Variants in TYW5 observed in about 807,000 individuals in gnomAD.
The protein encoded by TYW5 is tRNA-yW synthesizing protein 5.
A neutral mutation model predicts 44.4 loss-of-function variants in TYW5; 36 were observed. The observed-to-expected ratio is 0.81, with a 90% CI of 0.62 to 1.07. The LOEUF (loss-of-function observed/expected upper bound fraction) is 1.07, where lower values mean the gene tolerates loss of function less well. Among genes scored for constraint, TYW5 ranks in the 50% least tolerant of loss-of-function variants. TYW5 has a pLI of 0.00. For missense variants in TYW5, 354 were observed against 365.7 expected (o/e 0.97, Z 0.26); for synonymous variants, 121 against 128.1 (o/e 0.94, Z 0.37).
intron 2 of TYW5, 189 bp from the exon 3 acceptor site, chr2:199,944,023 A>G: frequency 2.2e-6 from 1 of 457,474 alleles, no homozygotes; most frequent in Non-Finnish European, 3.9e-6. Flanking sequence ...TGTTTACTTG[A>G]TCTAAGTTGT....
intron 2 of TYW5, chr2:199,947,321 CTGTT>C (rs2077510820): frequency 6.6e-6 from 1 of 152,202 alleles, no homozygotes; most frequent in South Asian, 2.1e-4. Flanking sequence ...AGTTTGAGAG[CTGTT>C]TGTTTTTAAT....
Position 199,955,444 on chromosome 2 carries a change from G to C in TYW5, c.27C>G (p.Pro9=). ...GCTCCCGAGAAACGCCCTCCAGCCG[G>C]GGTACCGGGAGGTGCTGCCCGGCCA... MAGQHLPV[P]RLEGVSREQF... Residue 9 remains proline (P), a synonymous_variant, in exon 1 of 8, where the codon CCC becomes CCG. Transcript: ENST00000354611. The C allele has an allele frequency of 6.2e-7, 1 of 1,613,906 alleles. No individual in the cohort carries two copies. Among genetic ancestry groups the C allele is most frequent in the South Asian group, 1.1e-5 (1 of 91,022 alleles).
Position 199,955,432 on chromosome 2 carries a change from G to C in TYW5, c.39C>G (p.Gly13=), listed in dbSNP as rs753444796. 1.9e-6 allele frequency: 3 copies of C among 1,613,800 alleles called. No homozygotes were observed. In the East Asian group the frequency reaches 6.7e-5, roughly 36 times the overall value. ...GCTGCATGAACTGCTCCCGAGAAACGCCCTCCAGCCGGGGTACCGGGAGGT... is the reference window on the plus strand; with the variant it reads ...GCTGCATGAACTGCTCCCGAGAAACCCCCTCCAGCCGGGGTACCGGGAGGT... The part of the protein sequence containing the change: ...GQHLPVPRLE[G]VSREQFMQHL... The change falls in exon 1 of 8, where the codon GGC becomes GGG. Residue 13 remains glycine, a synonymous_variant. Transcript: ENST00000354611.
In TYW5 at chr2:199,930,818, A is replaced by T. The variant is rs2077371371; in HGVS notation, c.*2249T>A. The T allele has an allele frequency of 1.3e-5, 2 of 152,152 alleles. No individual in the cohort carries two copies. 9.4% of individuals were successfully genotyped at this position (152,152 alleles called of 1,614,324 possible). On this transcript the variant is annotated 3_prime_UTR_variant, in exon 8 of 8. Coordinates refer to ENST00000354611, the MANE Select transcript of TYW5 (RefSeq NM_001039693.3). The stretch of plus-strand genomic sequence containing the variant: ...ACGAATCCCGGTTTCTATCACCCAT[A>T]GCTATGTGAACCCAGACAATCATTA...
Position 199,955,313 on chromosome 2 carries a change from A to C in TYW5, c.78+80T>G, listed in dbSNP as rs2077587930. The C allele has an allele frequency of 6.6e-6, 10 of 1,517,422 alleles. No homozygotes were observed. In the South Asian group the frequency reaches 1.1e-4, roughly 17 times the overall value. 94.0% of individuals were successfully genotyped at this position (1,517,422 alleles called of 1,614,324 possible). ...CTTTCCCACACCCTGGGTCTCTAAA[A>C]ACCAGTTCCCAGCTGTCCGAAAGGT... On this transcript the variant is annotated intron_variant, in intron 1 of 7. Coordinates refer to ENST00000354611, the MANE Select transcript of TYW5 (RefSeq NM_001039693.3).
At position 199,928,934 on chromosome 2, in the gene TYW5, C is replaced by T. The variant is rs564872349; in HGVS notation, c.*4133G>A. On this transcript the variant is annotated 3_prime_UTR_variant, in exon 8 of 8. Coordinates refer to ENST00000354611, the MANE Select transcript of TYW5 (RefSeq NM_001039693.3). ...CATGTTGGTATAGAAATGTTTAATA[C>T]ATTAAATCTTATGAGGTAAAATACA... Among the ~76,000 whole-genome samples, 11 of 152,276 alleles carry T rather than the reference C, an allele frequency of 7.2e-5. No homozygotes were observed. The highest frequency in any genetic ancestry group is 5.8e-4 in the East Asian group (3 of 5,186).
chr2:199,932,983 T>C lies in TYW5; in HGVS notation c.*84A>G. The C allele has an allele frequency of 6.8e-7, 1 of 1,464,900 alleles. No individual in the cohort carries two copies. Among genetic ancestry groups the C allele is most frequent in the East Asian group, 2.3e-5 (1 of 43,944 alleles). 90.7% of individuals were successfully genotyped at this position (1,464,900 alleles called of 1,614,324 possible). On this transcript the variant is annotated 3_prime_UTR_variant, in exon 8 of 8. Coordinates refer to ENST00000354611, the MANE Select transcript of TYW5 (RefSeq NM_001039693.3). ...ACTTACATAATCTGTAAATCTGATG[T>C]ATCTTTCCTATTTTAACAAAATCTT...
chr2:199,955,466 G>A lies in TYW5; in HGVS notation c.5C>T (p.Ala2Val), dbSNP rs768881764. 6.8e-6 allele frequency: 11 copies of A among 1,613,574 alleles called. No homozygotes were observed. Among genetic ancestry groups the A allele is most frequent in the South Asian group, 5.5e-5 (5 of 90,972 alleles). The part of the protein sequence containing the change: M[A>V]GQHLPVPRLE... ...CCGGGGTACCGGGAGGTGCTGCCCGGCCATGGTTGCTCACGCCTGCCCTCT... is the reference window on the plus strand; with the variant it reads ...CCGGGGTACCGGGAGGTGCTGCCCGACCATGGTTGCTCACGCCTGCCCTCT... The change falls in exon 1 of 8, where the codon GCC becomes GTC. Residue 2 changes from alanine to valine, a missense_variant. Transcript: ENST00000354611.
intron 1 of TYW5, 159 bp downstream of exon 1, chr2:199,955,234 G>A: frequency 1.4e-6 from 1 of 714,200 alleles, no homozygotes; most frequent in Non-Finnish European, 2.2e-6. Context: ...CGTCCCCCGT[G>A]CACCTTTCCC....
rs887019503 is a variant in TYW5 at position 199,930,360 on chromosome 2, C to T, written c.*2707G>A. 2 of 152,220 alleles carry T rather than the reference C, an allele frequency of 1.3e-5. No individual in the cohort carries two copies. Among genetic ancestry groups the T allele is most frequent in the Admixed American group, 6.5e-5 (1 of 15,280 alleles). The allele number at this position is 152,220 out of a possible 1,614,324, so 9.4% of individuals were successfully genotyped here. The stretch of plus-strand genomic sequence containing the variant: ...GGAGGCATAATTATCACTGGTTTCT[C>T]GTGCATCCTTAGAGATAATTATATG... On this transcript the variant is annotated 3_prime_UTR_variant, in exon 8 of 8. Coordinates refer to ENST00000354611, the MANE Select transcript of TYW5 (RefSeq NM_001039693.3).
chr2:199,940,035 C>T (rs2077451587), intron 4 of TYW5, 54 bp downstream of exon 4: 2 of 1,516,784 alleles, frequency 1.3e-6, no homozygotes, highest in East Asian at 4.5e-5. Context: ...TGCCAGTTAA[C>T]ATACATACAT....
rs2077357015 is a variant in TYW5, at chr2:199,929,492, G to C, written c.*3575C>G. Among the ~76,000 whole-genome samples, 2 of 151,598 alleles carry C rather than the reference G, an allele frequency of 1.3e-5. No homozygotes were observed. The highest frequency in any genetic ancestry group is 2.9e-5 in the Non-Finnish European group (2 of 67,972). On this transcript the variant is annotated 3_prime_UTR_variant, in exon 8 of 8. Transcript: ENST00000354611. ...CTGACTACATCTATTTTTTAGCACT[G>C]GGGAAAGGAGTCACAGCAGCACAGT... is the stretch of plus-strand genomic sequence containing the variant.
At chr2:199,947,580 C>T (rs1340823334) in intron 2 of TYW5, 4 of 152,190 alleles carry the variant, frequency 2.6e-5, no homozygotes, top group African/African-American at 9.7e-5. Context: ...TTATACCAAA[C>T]ATAGCTTGTC....
At position 199,943,816 on chromosome 2, in the gene TYW5, C is replaced by G. The variant is rs1030684228; in HGVS notation, c.252G>C (p.Gln84His). The G allele has an allele frequency of 6.2e-7, 1 of 1,609,722 alleles. No homozygotes were observed. The highest frequency in any genetic ancestry group is 2.2e-5 in the East Asian group (1 of 44,748). Residue 84 changes from glutamine (Q) to histidine (H), a missense_variant, in exon 3 of 8, where the codon CAG (glutamine) becomes CAC (histidine). Physicochemically the swap from Gln to His is conservative, Grantham distance 24 (BLOSUM62 0). Transcript: ENST00000354611. ...NFVYRTLPFD[Q>H]LVQRAAEEKH... is the part of the protein sequence containing the mutation. ...TCTCTTCAGCTGCCCTCTGGACCAA[C>G]TGGTCAAAAGGTAAAGTTCTGAAAT...
At chr2:199,948,202 C>A in intron 2 of TYW5, 116 bp downstream of exon 2, 3 of 1,061,408 alleles carry the variant, frequency 2.8e-6, no homozygotes, top group Non-Finnish European at 4.1e-6. Context: ...TCCATGATTA[C>A]ATCAAACCAG....
chr2:199,937,845 A>G (rs2105694893), intron 5 of TYW5, among the ~76,000 whole-genome samples: 1 of 152,306 alleles, frequency 6.6e-6, no homozygotes, highest in East Asian at 1.9e-4. Flanking sequence ...GAGGGTCTCA[A>G]CTGAATTACA....
chr2:199,932,952 C>T lies in TYW5; in HGVS notation c.*115G>A. ...TCAAGTAGAATCCACACAAACACCC[C>T]TTCGTACTTACATAATCTGTAAATC... On this transcript the variant is annotated 3_prime_UTR_variant, in exon 8 of 8. Coordinates refer to ENST00000354611, the MANE Select transcript of TYW5 (RefSeq NM_001039693.3). 2.4e-6 allele frequency: 3 copies of T among 1,256,484 alleles called. No homozygotes were observed. The highest frequency in any genetic ancestry group is 2.2e-6 in the Non-Finnish European group (2 of 914,254). 77.8% of individuals were successfully genotyped at this position (1,256,484 alleles called of 1,614,324 possible). A position where few individuals can be genotyped will look rare whatever the true frequency, so the allele number is the denominator to read the frequency against.
chr2:199,939,971 T>C (rs1452439214), intron 4 of TYW5, 118 bp downstream of exon 4: 5 of 967,236 alleles, frequency 5.2e-6, no homozygotes, highest in Non-Finnish European at 8.1e-6. Context: ...GAGAGAAGAA[T>C]GGAAAAGGAT....
At chr2:199,939,266 G>A (rs781209982) in intron 4 of TYW5, among the ~76,000 whole-genome samples, 196 bp from the exon 5 acceptor site, 66 of 152,014 alleles carry the variant, frequency 4.3e-4, no homozygotes, top group Non-Finnish European at 7.8e-4. Flanking sequence ...ACCACGCCCA[G>A]CTAATTTTTG....
Sources: allele counts gnomAD v4.1 joint callset (sites outside exome capture counted in the v4.1 genomes callset), GRCh38; gene constraint gnomAD v4.1.1; transcripts MANE v1.5; gene names NCBI Gene and HGNC (gene_info 2026-07-23, HGNC 2026-07-21).